LAMA4: variants seen among roughly 807,000 people sequenced by gnomAD.
LAMA4 encodes laminin subunit alpha 4, also known as laminin subunit alpha-4.
Under a neutral mutation model 207.1 loss-of-function variants are expected in LAMA4, and 127 were observed. That is an observed-to-expected ratio of 0.61 (90% confidence interval 0.53 to 0.71). The LOEUF (loss-of-function observed/expected upper bound fraction) is 0.71, where lower values mean the gene tolerates loss of function less well. Among genes scored for constraint, LAMA4 ranks in the 30% least tolerant of loss-of-function variants. LAMA4 has a pLI of 0.00. For missense variants in LAMA4, 2,093 were observed against 2,246.5 expected, an observed-to-expected ratio of 0.93 and a Z score of 1.38; for synonymous variants, 761 against 816.0, an observed-to-expected ratio of 0.93 and a Z score of 1.15.
chr6:112,249,071 C>T (rs1400792987), intron 2 of LAMA4, among the ~76,000 whole-genome samples: 2 of 152,124 alleles, frequency 1.3e-5, no homozygotes, highest in Non-Finnish European at 2.9e-5. Flanking sequence ...GAAGTTATCT[C>T]AACTTTTTGT....
Position 112,117,661 on chromosome 6 carries a change from C to T in LAMA4, c.4981+78G>A, listed in dbSNP as rs1778098517. On this transcript the variant is annotated intron_variant, in intron 35 of 38. Coordinates refer to ENST00000230538, the MANE Select transcript of LAMA4 (RefSeq NM_001105206.3). This position sits in a 1 kb window ranked among gnomAD's most constrained non-coding sequence, Gnocchi z 4.5. ...AGTTTGGCATTCTTAAGTTTTAACT[C>T]TGGGCCTGATATTCCCTGTTAGCCA... The T allele has an allele frequency of 7.0e-7, 1 of 1,431,186 alleles. No homozygotes were observed. The highest frequency in any genetic ancestry group is 1.7e-5 in the Admixed American group (1 of 59,292). The allele number at this position is 1,431,186 out of a possible 1,614,324, so 88.7% of individuals were successfully genotyped here. A position where few individuals can be genotyped will look rare whatever the true frequency, so the allele number is the denominator to read the frequency against.
At chr6:112,205,331 G>C (rs1481513794) in intron 4 of LAMA4, among the ~76,000 whole-genome samples, 1 of 152,148 alleles carries the variant, frequency 6.6e-6, no homozygotes, top group African/African-American at 2.4e-5. Flanking sequence ...ACAACTCTAT[G>C]ATGCAGATCC....
chr6:112,210,882 A>AT (rs1215716639), intron 3 of LAMA4, among the ~76,000 whole-genome samples: 1 of 152,260 alleles, frequency 6.6e-6, no homozygotes, highest in African/African-American at 2.4e-5. Flanking sequence ...TATTATTGCT[A>AT]TTTTCAAATG....
intron 29 of LAMA4, among the ~76,000 whole-genome samples, chr6:112,130,507 A>G (rs1246046040): frequency 2.0e-5 from 3 of 152,038 alleles, no homozygotes; most frequent in Non-Finnish European, 2.9e-5. Context: ...GCAGAGGTTC[A>G]TTTCTTATTC....
At chr6:112,175,233 G>T in intron 11 of LAMA4, 80 bp downstream of exon 11, 2 of 1,344,204 alleles carry the variant, frequency 1.5e-6, no homozygotes, top group Non-Finnish European at 2.1e-6. Flanking sequence ...ATTATATGTT[G>T]CCCTAGGTTT....
At chr6:112,134,927 C>A (rs1272015837) in intron 25 of LAMA4, among the ~76,000 whole-genome samples, 1 of 151,892 alleles carries the variant, frequency 6.6e-6, no homozygotes, top group Non-Finnish European at 1.5e-5. Flanking sequence ...TAAACAGGTG[C>A]CACCATTCTC....
chr6:112,169,129 C>G (rs1265647295), intron 12 of LAMA4, among the ~76,000 whole-genome samples: 1 of 152,106 alleles, frequency 6.6e-6, no homozygotes, highest in African/African-American at 2.4e-5. Flanking sequence ...TACATAGTTT[C>G]TATACATTTA....
chr6:112,191,826 G>T lies in LAMA4; in HGVS notation c.528C>A (p.Asn176Lys). ...TACAGGTGCTTCCAATGAGTAAGGG[G>T]TTTCCATAGTAACCGGGAGCACATC... ...CERCAPGYYGNPLLIGSTCKK... is the reference protein window; with the variant it reads ...CERCAPGYYGKPLLIGSTCKK... The change falls in exon 6 of 39, where the codon AAC becomes AAA. Residue 176 changes from asparagine (N) to lysine (K), a missense_variant. Asn to Lys is a moderately conservative substitution (Grantham distance 94, BLOSUM62 0). This residue lies in a region of LAMA4 where 1,704 missense variants were observed against 1,788.4 expected (regional missense o/e 0.95). Coordinates refer to ENST00000230538, the MANE Select transcript of LAMA4 (RefSeq NM_001105206.3). 1 of 1,613,764 alleles carries T rather than the reference G, an allele frequency of 6.2e-7. No homozygotes were observed. The highest frequency in any genetic ancestry group is 8.5e-7 in the Non-Finnish European group (1 of 1,179,754).
intron 9 of LAMA4, chr6:112,180,029 C>A: frequency 2.3e-6 from 1 of 432,692 alleles, no homozygotes. Flanking sequence ...TTACTCCTCC[C>A]TGCTTTTAAA....
At chr6:112,190,947 C>CTTTCTTTCTTTCTTTCTTTCTTT (rs1491586717) in intron 6 of LAMA4, among the ~76,000 whole-genome samples, 9 of 40,504 alleles carry the variant, frequency 2.2e-4, no homozygotes, top group Non-Finnish European at 3.3e-4. Flanking sequence ...TTCTTTCTTT[C>CTTTCTTTCTTTCTTTCTTTCTTT]CTTTCTTTCT....
chr6:112,109,465 A>G lies in LAMA4; in HGVS notation c.5444T>C (p.Val1815Ala). 5 of 1,614,008 alleles carry G rather than the reference A, an allele frequency of 3.1e-6. No homozygotes were observed. Among genetic ancestry groups the G allele is most frequent in the African/African-American group, 2.7e-5 (2 of 75,042 alleles). The change falls in exon 39 of 39, where the codon GTA becomes GCA. Residue 1815 changes from valine (V) to alanine (A), a missense_variant. Transcript: ENST00000230538. ...GGCTGCTGGACAGGAGTTGATGCTT[A>G]CGGCGCCGCTGACCAGGGCTGCTTT... ...FSKAALVSGAVSINSCPAA is the reference protein window; with the variant it reads ...FSKAALVSGAASINSCPAA
At chr6:112,111,208 T>G (rs1777673799) in intron 38 of LAMA4, among the ~76,000 whole-genome samples, 1 of 152,108 alleles carries the variant, frequency 6.6e-6, no homozygotes. Flanking sequence ...CACACTCAGC[T>G]ATTTTTTGTA....
intron 2 of LAMA4, among the ~76,000 whole-genome samples, chr6:112,244,866 A>G (rs1403090530): frequency 1.3e-5 from 2 of 152,216 alleles, no homozygotes; most frequent in Non-Finnish European, 2.9e-5. Context: ...GGTCTCCTTT[A>G]TGCTGAATTC....
In LAMA4 at chr6:112,114,593, G is replaced by C. The variant is rs6917142; in HGVS notation, c.5206+70C>G. The C allele has an allele frequency of 0.25, 248,632 of 1,002,040 alleles. 32,000 individuals are homozygous for C. Among genetic ancestry groups the C allele is most frequent in the East Asian group, 0.31 (13,171 of 41,922 alleles). The allele number at this position is 1,002,040 out of a possible 1,614,324, so 62.1% of individuals were successfully genotyped here. A position where few individuals can be genotyped will look rare whatever the true frequency, so the allele number is the denominator to read the frequency against. ...TGCATTACCTATCATATAAGTGATA[G>C]CCTAAGTTCTGCCAGATCATAATCT... On this transcript the variant is annotated intron_variant, in intron 37 of 38. Coordinates refer to ENST00000230538, the MANE Select transcript of LAMA4 (RefSeq NM_001105206.3).
At chr6:112,111,900 C>CA (rs1777720932) in intron 38 of LAMA4, among the ~76,000 whole-genome samples, 1 of 152,116 alleles carries the variant, frequency 6.6e-6, no homozygotes, top group Non-Finnish European at 1.5e-5. Context: ...AGCAAACAAA[C>CA]AAACAAAAAC....
chr6:112,207,643 G>A (rs907418100), intron 3 of LAMA4, among the ~76,000 whole-genome samples: 15 of 151,496 alleles, frequency 9.9e-5, no homozygotes, highest in African/African-American at 3.4e-4. Context: ...AAATGGAGTA[G>A]AAGGTAGATA....
At chr6:112,155,816 G>A in intron 14 of LAMA4, 110 bp from the exon 15 acceptor site, 1 of 1,265,926 alleles carries the variant, frequency 7.9e-7, no homozygotes, top group Non-Finnish European at 1.1e-6. Flanking sequence ...CTTCCTTCCT[G>A]TTATTCAAAG....
chr6:112,249,800 C>T (rs1562111945), intron 2 of LAMA4, among the ~76,000 whole-genome samples: 2 of 152,148 alleles, frequency 1.3e-5, no homozygotes, highest in African/African-American at 2.4e-5. Flanking sequence ...TGCTATATTC[C>T]AGTTCTTCTA....
intron 8 of LAMA4, 118 bp from the exon 9 acceptor site, chr6:112,185,465 T>G (rs1430594159): frequency 1.4e-6 from 1 of 712,624 alleles, no homozygotes; most frequent in Non-Finnish European, 2.5e-6. Context: ...TTTCTCAAAA[T>G]AGTGGGGTCC....
Sources: gnomAD v4.1 joint callset for allele counts (sites outside exome capture counted in the v4.1 genomes callset) on GRCh38, gnomAD v4.1.1 for gene constraint, gnomAD v4.1.1 regional missense constraint, Gnocchi (gnomAD v3.1) non-coding constraint, MANE v1.5 for transcripts, NCBI Gene and HGNC (gene_info 2026-07-23, HGNC 2026-07-21) for gene names.